The following MEIS3 variants were observed in gnomAD, a reference collection of about 807,000 sequenced individuals.
MEIS3 encodes Meis homeobox 3.
Under a neutral mutation model 51.4 loss-of-function variants are expected in MEIS3, and 38 were observed. That is an observed-to-expected ratio of 0.74 (90% confidence interval 0.57 to 0.97). The LOEUF (loss-of-function observed/expected upper bound fraction) is 0.97. MEIS3 is among the 50% of genes least tolerant of loss of function. The pLI, the probability that MEIS3 is intolerant of heterozygous loss-of-function variation, is 0.00. For missense variants in MEIS3, 456 were observed against 502.6 expected (o/e 0.91, Z 0.89); for synonymous variants, 198 against 201.8 (o/e 0.98, Z 0.16).
chr19:47,416,585 C>G, intron 4 of MEIS3, 67 bp downstream of exon 4: 2 of 1,333,156 alleles, frequency 1.5e-6, no homozygotes, highest in Non-Finnish European at 2.0e-6. Flanking sequence ...CCACCAACCC[C>G]AGGGATGGGG....
At chr19:47,414,031 G>A (rs565019488) in intron 6 of MEIS3, among the ~76,000 whole-genome samples, 6 of 152,078 alleles carry the variant, frequency 3.9e-5, no homozygotes, top group East Asian at 3.9e-4. Context: ...CACCGCACCC[G>A]GCCTGGGTTT....
chr19:47,409,589 C>T (rs377018846), intron 6 of MEIS3, 42 bp from the exon 7 acceptor site: 39 of 1,458,642 alleles, frequency 2.7e-5, no homozygotes, highest in Admixed American at 2.0e-4. Flanking sequence ...GGCGGCCGGG[C>T]GCAGTGGCTC....
chr19:47,407,577 C>T, intron 8 of MEIS3, 149 bp from the exon 9 acceptor site: 1 of 1,503,116 alleles, frequency 6.7e-7, no homozygotes, highest in East Asian at 2.4e-5. Context: ...CTGCGCTCCC[C>T]AGGATGGAGA....
chr19:47,417,772 C>A, intron 1 of MEIS3: 1 of 639,212 alleles, frequency 1.6e-6, no homozygotes, highest in Non-Finnish European at 2.8e-6. Context: ...TCTTCTATTT[C>A]ATTTCACAGT....
chr19:47,408,222 G>T (rs1023216417), intron 8 of MEIS3, among the ~76,000 whole-genome samples: 1 of 151,890 alleles, frequency 6.6e-6, no homozygotes, highest in Non-Finnish European at 1.5e-5. Flanking sequence ...AATCTCCCTG[G>T]CTCAAGCAAT....
chr19:47,413,194 C>T (rs1366110148), intron 6 of MEIS3, among the ~76,000 whole-genome samples: 7 of 151,434 alleles, frequency 4.6e-5, no homozygotes, highest in African/African-American at 1.5e-4. Context: ...GTCAGGAGTT[C>T]GAGGCCAGCC....
Position 47,409,576 on chromosome 19 carries a change from C to T in MEIS3, c.598-29G>A, listed in dbSNP as rs770134341. 6 of 1,574,918 alleles carry T rather than the reference C, an allele frequency of 3.8e-6. No individual in the cohort carries two copies. In the East Asian group the frequency reaches 1.3e-4, roughly 35 times the overall value. Reference sequence around the variant, plus strand: ...GAAAACAAGAGTTAGAAGTTAGTGCCAAGGCGGCCGGGCGCAGTGGCTCAC... The same window carrying T: ...GAAAACAAGAGTTAGAAGTTAGTGCTAAGGCGGCCGGGCGCAGTGGCTCAC... On this transcript the variant is annotated intron_variant, in intron 6 of 12. Transcript: ENST00000558555.
intron 8 of MEIS3, chr19:47,407,639 T>C (rs1431695373): frequency 7.7e-7 from 1 of 1,299,060 alleles, no homozygotes; most frequent in African/African-American, 1.5e-5. Context: ...CCCCCGCCTG[T>C]TCCAGCAATT....
chr19:47,408,932 A>G (rs935341217), intron 8 of MEIS3, among the ~76,000 whole-genome samples, 167 bp downstream of exon 8: 4 of 151,858 alleles, frequency 2.6e-5, no homozygotes, highest in African/African-American at 9.7e-5. Context: ...CTCAGGTGAC[A>G]CTCAGTGCTG....
chr19:47,406,918 T>A lies in MEIS3; in HGVS notation c.1048A>T (p.Thr350Ser). The A allele has an allele frequency of 6.3e-7, 1 of 1,579,224 alleles. No homozygotes were observed. The highest frequency in any genetic ancestry group is 8.6e-7 in the Non-Finnish European group (1 of 1,164,394). ...GGCCGGACGGCCACGTGTGGCTGCG[T>A]CTCGGTATAGCCCCCGATGGGCTGG... is the stretch of plus-strand genomic sequence containing the variant. ...EGQPIGGYTETQPHVAVRPPG... is the reference protein window; with the variant it reads ...EGQPIGGYTESQPHVAVRPPG... The change falls in exon 11 of 13, where the codon ACG becomes TCG. Residue 350 changes from threonine (T) to serine (S), a missense_variant. Transcript: ENST00000558555.
At chr19:47,413,562 C>G (rs567348861) in intron 6 of MEIS3, among the ~76,000 whole-genome samples, 8 of 151,870 alleles carry the variant, frequency 5.3e-5, no homozygotes, top group African/African-American at 1.9e-4. Context: ...GGCTCTCATG[C>G]GACTTCTCAA....
At position 47,407,375 on chromosome 19, in the gene MEIS3, G is replaced by C; in HGVS notation, c.912C>G (p.Leu304=). ...QKKQLAQDTG[L]TILQVNNWFI... ...ACCAGTTGTTGACTTGCAGGATGGT[G>C]AGCCCCGTGTCCTGCGCCAGCTGTT... The change falls in exon 9 of 13, where the codon CTC becomes CTG. Residue 304 remains leucine, a synonymous_variant. Transcript: ENST00000558555. 1 of 1,613,514 alleles carries C rather than the reference G, an allele frequency of 6.2e-7. No homozygotes were observed.
rs1198054951 is a variant in MEIS3, at chr19:47,409,200, C to T, written c.757G>A (p.Asp253Asn). The T allele has an allele frequency of 6.2e-7, 1 of 1,613,526 alleles. No homozygotes were observed. The highest frequency in any genetic ancestry group is 1.3e-5 in the African/African-American group (1 of 75,040). ...SVASPSSGGE[D>N]EDLDQERRRN... is the part of the protein sequence containing the mutation. ...CGTCGCTCCTGGTCCAAGTCCTCAT[C>T]TTCTCCACCAGAACTGGGAGAGGCC... Residue 253 changes from aspartate to asparagine, a missense_variant, in exon 8 of 13, where the codon GAT becomes AAT. Transcript: ENST00000558555.
At chr19:47,409,300 G>C (rs1971007049) in intron 7 of MEIS3, 53 bp from the exon 8 acceptor site, 6 of 1,586,338 alleles carry the variant, frequency 3.8e-6, no homozygotes, top group Non-Finnish European at 5.1e-6. Context: ...TGGAGGACCA[G>C]AGGGCCCCAG....
At chr19:47,419,956 C>T (rs1599834742), upstream of MEIS3, among the ~76,000 whole-genome samples, 1 of 152,128 alleles carries the variant, frequency 6.6e-6, no homozygotes, top group Admixed American at 6.5e-5. Flanking sequence ...TCGATTCCCC[C>T]TCTGCAGGAT....
chr19:47,421,397 T>TC (rs1271966210), upstream of MEIS3, among the ~76,000 whole-genome samples: 1 of 151,876 alleles, frequency 6.6e-6, no homozygotes, highest in Non-Finnish European at 1.5e-5. Context: ...GGCAGCCACG[T>TC]CCCCCGGGGA....
upstream of MEIS3, among the ~76,000 whole-genome samples, chr19:47,420,750 T>C (rs1971676900): frequency 1.5e-5 from 2 of 137,862 alleles, no homozygotes; most frequent in South Asian, 4.7e-4. Flanking sequence ...AATAAGTGTG[T>C]GGGAGAGAAA....
rs1475925252 is a variant in MEIS3 at position 47,405,805 on chromosome 19, CT to C, written c.*17+654del. ...CCTCAGGTGATCCACCTGCCTCAGC[CT>C]CCTAAAGTGCTGGGATTACAGGCGT... On this transcript the variant is annotated intron_variant, in intron 12 of 12. Transcript: ENST00000558555. Among the ~76,000 whole-genome samples, 4 of 152,260 alleles carry C rather than the reference CT, an allele frequency of 2.6e-5. No homozygotes were observed. The East Asian group carries it at 7.7e-4, about 29-fold the overall frequency.
intron 6 of MEIS3, among the ~76,000 whole-genome samples, chr19:47,411,152 G>A (rs779206961): frequency 1.3e-5 from 2 of 152,100 alleles, no homozygotes; most frequent in Admixed American, 6.5e-5. Context: ...GGCCAGGCTG[G>A]TCTCGAACTC....
Sources: gnomAD v4.1 joint callset for allele counts (sites outside exome capture counted in the v4.1 genomes callset) on GRCh38, gnomAD v4.1.1 for gene constraint, MANE v1.5 for transcripts, NCBI Gene and HGNC (gene_info 2026-07-23, HGNC 2026-07-21) for gene names.